Variants in AUTS2 observed in about 807,000 individuals in gnomAD.
AUTS2 encodes autism susceptibility gene 2 protein.
Under a neutral mutation model 112.4 loss-of-function variants are expected in AUTS2, and 17 were observed. That is an observed-to-expected ratio of 0.15 (90% CI 0.10 to 0.23). The LOEUF (loss-of-function observed/expected upper bound fraction) is 0.23, where lower values mean the gene tolerates loss of function less well. Ranked by LOEUF, AUTS2 falls within the 10% of genes least tolerant of loss-of-function variation. AUTS2 has a pLI of 1.00. For synonymous variants in AUTS2, 751 were observed against 702.7 expected, an observed-to-expected ratio of 1.07 and a Z score of -1.09; for missense variants, 1,510 against 1,701.6, an observed-to-expected ratio of 0.89 and a Z score of 1.98.
At chr7:70,118,543 CT>C in intron 3 of AUTS2, 2 of 183,788 alleles carry the variant, frequency 1.1e-5, no homozygotes, top group Non-Finnish European at 2.2e-5. Context: ...CTTTGGGAGG[CT>C]AAAGCAGGTG....
rs1486209439 is a variant in AUTS2 at position 70,789,982 on chromosome 7, C to T, written c.2766C>T (p.His922=). ...GCCACCTGCCCGAGAAGGACGGGCACGGCCACGAGGGGCGCGCCGCGGGCG... is the reference window on the plus strand; with the variant it reads ...GCCACCTGCCCGAGAAGGACGGGCATGGCCACGAGGGGCGCGCCGCGGGCG... The part of the protein sequence containing the change: ...KEGHLPEKDG[H]GHEGRAAGEE... The change falls in exon 19 of 19, where the codon CAC becomes CAT. Residue 922 remains histidine (H), a synonymous_variant. Transcript: ENST00000342771. 6.2e-6 allele frequency: 10 copies of T among 1,610,952 alleles called. No individual in the cohort carries two copies. Among genetic ancestry groups the T allele is most frequent in the East Asian group, 4.5e-5 (2 of 44,746 alleles).
chr7:70,001,857 C>T (rs541440673), intron 2 of AUTS2, among the ~76,000 whole-genome samples: 23 of 151,882 alleles, frequency 1.5e-4, no homozygotes, highest in Admixed American at 3.9e-4. Flanking sequence ...ATTACAAGCA[C>T]GCACCACCAC....
At chr7:69,621,239 C>A (rs1012612158) in intron 1 of AUTS2, among the ~76,000 whole-genome samples, 1 of 152,068 alleles carries the variant, frequency 6.6e-6, no homozygotes, top group Admixed American at 6.6e-5. Flanking sequence ...ACGAGTGTGT[C>A]AGTGGTGGAG....
chr7:70,653,275 T>C (rs372455845), intron 5 of AUTS2, among the ~76,000 whole-genome samples: 10 of 152,192 alleles, frequency 6.6e-5, no homozygotes, highest in Admixed American at 4.6e-4. Flanking sequence ...TCTCATACTT[T>C]TATATTTTCT....
chr7:70,246,623 T>C (rs1236636381), intron 4 of AUTS2, among the ~76,000 whole-genome samples: 3 of 152,018 alleles, frequency 2.0e-5, no homozygotes, highest in Non-Finnish European at 4.4e-5. Context: ...ATTTTAAAAT[T>C]CAGTCTCCCT....
In AUTS2 at chr7:70,336,224, A is replaced by G. The variant is rs527335433; in HGVS notation, c.661-99528A>G. Among the ~76,000 whole-genome samples, 7 of 152,304 alleles carry G rather than the reference A, an allele frequency of 4.6e-5. No homozygotes were observed. The East Asian group carries it at 1.4e-3, about 29-fold the overall frequency. On this transcript the variant is annotated intron_variant, in intron 4 of 18. Coordinates refer to ENST00000342771, the MANE Select transcript of AUTS2 (RefSeq NM_015570.4). ...TAAAAAAATAAAAATAAAATGGAAC[A>G]ATAAAGAAAATGTATCCAAACTATA...
chr7:70,516,358 A>G (rs1298459881), intron 5 of AUTS2, among the ~76,000 whole-genome samples: 1 of 152,218 alleles, frequency 6.6e-6, no homozygotes, highest in African/African-American at 2.4e-5. Flanking sequence ...ACTGCCAGCA[A>G]AGAGAGGGAA....
At chr7:70,595,711 T>C (rs1394495610) in intron 5 of AUTS2, among the ~76,000 whole-genome samples, 2 of 152,224 alleles carry the variant, frequency 1.3e-5, no homozygotes, top group Non-Finnish European at 2.9e-5. Context: ...AGATACTTCA[T>C]TCAGAGCATC....
intron 1 of AUTS2, among the ~76,000 whole-genome samples, chr7:69,724,835 T>TG (rs962009922): frequency 2.3e-4 from 35 of 152,200 alleles, no homozygotes; most frequent in African/African-American, 8.0e-4. Context: ...AACAACTTTT[T>TG]GGGGATCCAT....
intron 5 of AUTS2, among the ~76,000 whole-genome samples, chr7:70,648,543 A>C (rs1471084324): frequency 6.6e-6 from 1 of 152,170 alleles, no homozygotes; most frequent in African/African-American, 2.4e-5. Context: ...ACACGATATA[A>C]AAACAAAACA....
At chr7:69,853,368 A>G (rs757246519) in intron 1 of AUTS2, among the ~76,000 whole-genome samples, 4 of 152,150 alleles carry the variant, frequency 2.6e-5, no homozygotes, top group Non-Finnish European at 4.4e-5. Context: ...TGACTTACAT[A>G]TCATTTTTAA....
chr7:70,083,491 C>A (rs1360429558), intron 2 of AUTS2, among the ~76,000 whole-genome samples: 3 of 152,134 alleles, frequency 2.0e-5, no homozygotes, highest in Non-Finnish European at 4.4e-5. Flanking sequence ...AAATAAACTT[C>A]TTTGTATACA....
chr7:69,877,109 C>T (rs150933569), intron 1 of AUTS2, among the ~76,000 whole-genome samples: 2,194 of 152,256 alleles, frequency 0.014, 22 homozygotes, highest in Middle Eastern at 0.037. Flanking sequence ...ACTTATTTGC[C>T]AAATACTGGG....
chr7:70,053,544 G>GTT lies in AUTS2; in HGVS notation c.523-64577_523-64576dup, dbSNP rs200867539. Among the ~76,000 whole-genome samples the GTT allele has an allele frequency of 3.3e-4, 42 of 127,834 alleles. 3 individuals are homozygous for GTT. Among genetic ancestry groups the GTT allele is most frequent in the African/African-American group, 1.0e-3 (33 of 32,326 alleles). The allele number at this position is 127,834 out of a possible 152,430, so 83.9% of individuals were successfully genotyped here. ...ATTGTGGCAACCACTGTTTTGGGTGGTTTTTTTTTTTTGGAGACAGGATCT... is the reference window on the plus strand; with the variant it reads ...ATTGTGGCAACCACTGTTTTGGGTGGTTTTTTTTTTTTTTGGAGACAGGATCT... On this transcript the variant is annotated intron_variant, in intron 2 of 18. Coordinates refer to ENST00000342771, the MANE Select transcript of AUTS2 (RefSeq NM_015570.4).
Position 70,536,900 on chromosome 7 carries a change from CAAAGAAA to C in AUTS2, c.690+101129_690+101135del, listed in dbSNP as rs1286924620. 2.8e-4 allele frequency among the ~76,000 whole-genome samples: 43 copies of C among 151,804 alleles called. 1 individual carries two copies. The East Asian group carries it at 8.1e-3, about 29-fold the overall frequency. ...GGGCAACAAGAGTGAAACTCTGTCT[CAAAGAAA>C]AAAGAAAAAGAAAAATCAAAAGTAA... On this transcript the variant is annotated intron_variant, in intron 5 of 18. Transcript: ENST00000342771.
chr7:70,144,891 A>G (rs373074426), intron 4 of AUTS2, among the ~76,000 whole-genome samples: 1 of 152,192 alleles, frequency 6.6e-6, no homozygotes, highest in Non-Finnish European at 1.5e-5. Context: ...AGTCTAATGG[A>G]TTCTGTCTTA....
At chr7:69,694,791 G>C (rs1230638706) in intron 1 of AUTS2, among the ~76,000 whole-genome samples, 1 of 152,170 alleles carries the variant, frequency 6.6e-6, no homozygotes, top group Non-Finnish European at 1.5e-5. Flanking sequence ...TATTTTACAA[G>C]GTGGCCTTAC....
intron 5 of AUTS2, among the ~76,000 whole-genome samples, chr7:70,569,437 G>A (rs917827931): frequency 6.6e-6 from 1 of 152,172 alleles, no homozygotes; most frequent in Non-Finnish European, 1.5e-5. Context: ...GGCCGCACTT[G>A]TATCCCACCG....
intron 1 of AUTS2, among the ~76,000 whole-genome samples, chr7:69,766,570 C>A (rs1418140044): frequency 2.0e-5 from 3 of 152,228 alleles, no homozygotes; most frequent in Non-Finnish European, 2.9e-5. Flanking sequence ...CATTTAAATT[C>A]ATCGTTTTGG....
Sources: gnomAD v4.1 joint callset for allele counts (sites outside exome capture counted in the v4.1 genomes callset) on GRCh38, gnomAD v4.1.1 for gene constraint, MANE v1.5 for transcripts, NCBI Gene and HGNC (gene_info 2026-07-23, HGNC 2026-07-21) for gene names.